The following DCLK1 variants were observed in gnomAD, a reference collection of about 807,000 sequenced individuals.
DCLK1 encodes the protein doublecortin like kinase 1.
Under a neutral mutation model 86.2 loss-of-function variants are expected in DCLK1, and 16 were observed. The ratio of observed to expected loss-of-function variants is 0.19; its 90% CI spans 0.13 to 0.28. The LOEUF (loss-of-function observed/expected upper bound fraction) is 0.28, where lower values mean the gene tolerates loss of function less well. DCLK1 is among the 10% of genes least tolerant of loss of function. The pLI, the probability that DCLK1 is intolerant of heterozygous loss-of-function variation, is 1.00. For missense variants in DCLK1, 590 were observed against 940.2 expected, an observed-to-expected ratio of 0.63 and a Z score of 4.87; for synonymous variants, 369 against 370.5, an observed-to-expected ratio of 1.00 and a Z score of 0.05.
At chr13:36,077,754 C>T (rs1439210382) in intron 3 of DCLK1, among the ~76,000 whole-genome samples, 1 of 152,140 alleles carries the variant, frequency 6.6e-6, no homozygotes, top group Non-Finnish European at 1.5e-5. Flanking sequence ...GTTGCTTTAA[C>T]AAATCATAAC....
chr13:36,013,772 G>A (rs1274434543), intron 3 of DCLK1, among the ~76,000 whole-genome samples: 1 of 152,194 alleles, frequency 6.6e-6, no homozygotes, highest in Non-Finnish European at 1.5e-5. Flanking sequence ...CGAGCTTCCT[G>A]GCTGCTTTGT....
chr13:36,022,081 C>T (rs1881809276), intron 3 of DCLK1, among the ~76,000 whole-genome samples: 1 of 151,866 alleles, frequency 6.6e-6, no homozygotes, highest in African/African-American at 2.4e-5. Flanking sequence ...AAAGTATGTT[C>T]TCTGATCACA....
intron 3 of DCLK1, among the ~76,000 whole-genome samples, chr13:36,075,359 G>A (rs757689708): frequency 6.6e-6 from 1 of 152,126 alleles, no homozygotes; most frequent in Admixed American, 6.6e-5. Flanking sequence ...TTATCACGCA[G>A]GGGGTAATAG....
chr13:35,855,709 G>A, intron 5 of DCLK1: 7 of 1,386,012 alleles, frequency 5.1e-6, no homozygotes, highest in Non-Finnish European at 4.7e-6. Context: ...TAAAGCTGAC[G>A]TCTCCCAAGC....
Position 36,089,822 on chromosome 13 carries a change from G to A in DCLK1, c.723+22047C>T, listed in dbSNP as rs140429558. 1.6e-4 allele frequency among the ~76,000 whole-genome samples: 25 copies of A among 152,266 alleles called. No homozygotes were observed. In the East Asian group the frequency reaches 4.4e-3, roughly 27 times the overall value. On this transcript the variant is annotated intron_variant, in intron 3 of 16. Transcript: ENST00000360631. ...AAGAGTGGCTCCAACAATAGCTAAT[G>A]CGAAGTGTTGATGGCACTTTGATCT...
intron 5 of DCLK1, among the ~76,000 whole-genome samples, chr13:35,859,905 C>T (rs1477525373): frequency 2.0e-5 from 3 of 152,164 alleles, no homozygotes; most frequent in Non-Finnish European, 2.9e-5. Flanking sequence ...TTTTTGCAGT[C>T]GCGTTCCTAA....
intron 3 of DCLK1, among the ~76,000 whole-genome samples, chr13:36,055,937 A>C (rs1020592074): frequency 6.6e-6 from 1 of 152,226 alleles, no homozygotes; most frequent in Non-Finnish European, 1.5e-5. Flanking sequence ...GATATCTCAT[A>C]GTGGTTTTGA....
intron 3 of DCLK1, among the ~76,000 whole-genome samples, chr13:36,093,025 G>A (rs1320624440): frequency 6.6e-6 from 1 of 151,936 alleles, no homozygotes; most frequent in Non-Finnish European, 1.5e-5. Context: ...CTGATAATTA[G>A]GCCTTCCCGA....
At chr13:35,967,025 C>A (rs2153138471) in intron 3 of DCLK1, among the ~76,000 whole-genome samples, 1 of 151,930 alleles carries the variant, frequency 6.6e-6, no homozygotes, top group East Asian at 2.0e-4. Context: ...TGAGGAGCGC[C>A]TCTTCCTGGC....
intron 4 of DCLK1, among the ~76,000 whole-genome samples, chr13:35,942,167 AT>A (rs548716235): frequency 3.6e-4 from 53 of 148,382 alleles, no homozygotes; most frequent in Admixed American, 2.3e-3. Flanking sequence ...TCTAAAGGAC[AT>A]TTTTTTTTTG....
At chr13:36,083,455 C>T (rs1884488700) in intron 3 of DCLK1, among the ~76,000 whole-genome samples, 1 of 152,168 alleles carries the variant, frequency 6.6e-6, no homozygotes, top group Non-Finnish European at 1.5e-5. Context: ...ATTCACTACA[C>T]AATGATAATT....
At chr13:35,841,869 T>A (rs965101714) in intron 6 of DCLK1, among the ~76,000 whole-genome samples, 37 of 151,498 alleles carry the variant, frequency 2.4e-4, no homozygotes, top group African/African-American at 8.5e-4. Context: ...ATTCAAAGAG[T>A]TTGGGGGACT....
Position 36,107,335 on chromosome 13 carries a change from A to ATTTTTTTT in DCLK1, c.723+4526_723+4533dup, listed in dbSNP as rs10670428. Among the ~76,000 whole-genome samples, 12 of 110,298 alleles carry ATTTTTTTT rather than the reference A, an allele frequency of 1.1e-4. 1 individual carries two copies. The highest frequency in any genetic ancestry group is 4.0e-4 in the African/African-American group (11 of 27,368). 72.4% of individuals were successfully genotyped at this position (110,298 alleles called of 152,430 possible). On this transcript the variant is annotated intron_variant, in intron 3 of 16. Transcript: ENST00000360631. Reference sequence around the variant, plus strand: ...CACTCTAGCATGCTAGCAGTGGTAGATTTTTTTTTTTTTTTTTTTTTTTTT... The same window carrying ATTTTTTTT: ...CACTCTAGCATGCTAGCAGTGGTAGATTTTTTTTTTTTTTTTTTTTTTTTTTTTTTTTT...
chr13:35,969,621 T>C (rs985086914), intron 3 of DCLK1, among the ~76,000 whole-genome samples: 1 of 152,202 alleles, frequency 6.6e-6, no homozygotes, highest in Non-Finnish European at 1.5e-5. Flanking sequence ...TTGTCCAGTG[T>C]GCTCACAAGA....
intron 3 of DCLK1, among the ~76,000 whole-genome samples, chr13:36,063,782 T>G (rs939748379): frequency 6.6e-6 from 1 of 152,220 alleles, no homozygotes; most frequent in Non-Finnish European, 1.5e-5. Context: ...GAATTCAACC[T>G]CCTTAAAATG....
At position 35,839,142 on chromosome 13, in the gene DCLK1, G is replaced by T; in HGVS notation, c.1070C>A (p.Ala357Glu). 1 of 1,594,168 alleles carries T rather than the reference G, an allele frequency of 6.3e-7. No homozygotes were observed. The highest frequency in any genetic ancestry group is 8.5e-7 in the Non-Finnish European group (1 of 1,170,480). Residue 357 changes from alanine (A) to glutamate (E), a missense_variant, in exon 7 of 17, where the codon GCG (alanine) becomes GAG (glutamate). By Grantham distance (107) the Ala-to-Glu change is moderately radical. Around this residue, in one of 6 missense-constraint regions of DCLK1, gnomAD observed 63 missense variants for 64.3 expected, o/e 0.98. Transcript: ENST00000360631. ...SQHGGSSTSL[A>E]STKVCSSMDE... ...CATCGAGCTGCAGACTTTGGTGGACGCAAGTGACGTAGAGGAGCCGCCATG... is the reference window on the plus strand; with the variant it reads ...CATCGAGCTGCAGACTTTGGTGGACTCAAGTGACGTAGAGGAGCCGCCATG...
In DCLK1 at chr13:35,769,294, T is replaced by G. The variant is rs1031139482; in HGVS notation, c.*5241A>C. ...TTTTCAAAAGAAATATTGAATTTTT[T>G]TCTTGAGTCAAATTGAAACCTTTCA... On this transcript the variant is annotated 3_prime_UTR_variant, in exon 17 of 17. Transcript: ENST00000360631. 6.6e-6 allele frequency: 1 copy of G among 152,222 alleles called. No individual in the cohort carries two copies. Among genetic ancestry groups the G allele is most frequent in the Admixed American group, 6.5e-5 (1 of 15,288 alleles). 9.4% of individuals were successfully genotyped at this position (152,222 alleles called of 1,614,324 possible).
chr13:35,782,829 G>T (rs1238795968), intron 16 of DCLK1, among the ~76,000 whole-genome samples: 1 of 152,164 alleles, frequency 6.6e-6, no homozygotes, highest in East Asian at 1.9e-4. Flanking sequence ...TTTCCCCCTA[G>T]AAAGGGTGTT....
At chr13:35,805,643 C>A in intron 15 of DCLK1, 56 bp downstream of exon 15, 2 of 1,541,678 alleles carry the variant, frequency 1.3e-6, no homozygotes, top group Admixed American at 3.6e-5. Flanking sequence ...AAATCTGCAA[C>A]TGATTTTTAA....
Sources: allele counts gnomAD v4.1 joint callset (sites outside exome capture counted in the v4.1 genomes callset), GRCh38; gene constraint gnomAD v4.1.1; regional missense constraint gnomAD v4.1.1; transcripts MANE v1.5; gene names NCBI Gene and HGNC (gene_info 2026-07-23, HGNC 2026-07-21).